CHST9: variants seen among roughly 807,000 people sequenced by gnomAD.
CHST9 encodes the protein GalNAc-4-sulfotransferase 2.
CHST9 carries 41 observed loss-of-function variants against 44.4 expected under a neutral mutation model. The ratio of observed to expected loss-of-function variants is 0.92; its 90% CI spans 0.72 to 1.20. CHST9 has a LOEUF of 1.20. Among genes scored for constraint, CHST9 ranks in the 50% most tolerant of loss-of-function variants. The pLI, the probability that CHST9 is intolerant of heterozygous loss-of-function variation, is 0.00. For synonymous variants in CHST9, 171 were observed against 178.4 expected, an observed-to-expected ratio of 0.96 and a Z score of 0.33; for missense variants, 504 against 516.5, an observed-to-expected ratio of 0.98 and a Z score of 0.23.
intron 4 of CHST9, among the ~76,000 whole-genome samples, chr18:27,010,083 T>G (rs951318991): frequency 6.6e-6 from 1 of 152,240 alleles, no homozygotes; most frequent in Non-Finnish European, 1.5e-5. Flanking sequence ...TACTAGGTTC[T>G]TTACTTAAAT....
chr18:27,078,363 G>C (rs1046380381), intron 2 of CHST9, among the ~76,000 whole-genome samples: 16 of 152,132 alleles, frequency 1.1e-4, no homozygotes, highest in African/African-American at 3.9e-4. Context: ...GAAATGTATA[G>C]TCAGTTCCTG....
At chr18:27,104,024 A>T (rs557952524) in intron 2 of CHST9, among the ~76,000 whole-genome samples, 1 of 152,338 alleles carries the variant, frequency 6.6e-6, no homozygotes, top group South Asian at 2.1e-4. Flanking sequence ...TTAAATGTGC[A>T]TTAAATATAT....
intron 2 of CHST9, among the ~76,000 whole-genome samples, chr18:27,141,221 C>T (rs566616507): frequency 6.6e-5 from 10 of 152,140 alleles, no homozygotes; most frequent in East Asian, 1.9e-4. Context: ...AGAAATTAGC[C>T]GGGCGTGGTG....
chr18:27,029,325 T>G (rs752925544), intron 3 of CHST9, among the ~76,000 whole-genome samples: 3 of 152,110 alleles, frequency 2.0e-5, no homozygotes, highest in Admixed American at 6.5e-5. Flanking sequence ...GCATACAAAT[T>G]TTGCTAATAG....
intron 2 of CHST9, among the ~76,000 whole-genome samples, chr18:27,082,903 C>T (rs569139754): frequency 1.3e-5 from 2 of 152,200 alleles, no homozygotes; most frequent in Admixed American, 1.3e-4. Context: ...AGGAGATTTT[C>T]ACAAATCTTT....
intron 1 of CHST9, among the ~76,000 whole-genome samples, chr18:27,144,460 C>A (rs1277208624): frequency 6.6e-6 from 1 of 152,158 alleles, no homozygotes; most frequent in East Asian, 1.9e-4. Context: ...TGGAGGACTG[C>A]TTGACCTCAA....
chr18:26,932,556 G>C lies in CHST9; in HGVS notation c.240+11773C>G, dbSNP rs148216842. Among the ~76,000 whole-genome samples the C allele has an allele frequency of 6.5e-3, 983 of 152,230 alleles. 14 individuals carry two copies. The highest frequency in any genetic ancestry group is 0.023 in the African/African-American group (945 of 41,552). ...GTGTTAGCTGGATCAGGGGTGAAGG[G>C]GGGCAAGCTGAAGTACCTTTCAACC... On this transcript the variant is annotated intron_variant, in intron 5 of 5. Transcript: ENST00000618847.
chr18:27,109,049 G>A (rs77692703), intron 2 of CHST9, among the ~76,000 whole-genome samples: 2,731 of 152,328 alleles, frequency 0.018, 73 homozygotes, highest in African/African-American at 0.06. Flanking sequence ...TCTCAAGGCA[G>A]TAAGGGATAA....
At chr18:27,078,454 A>G (rs1244647429) in intron 2 of CHST9, among the ~76,000 whole-genome samples, 3 of 152,104 alleles carry the variant, frequency 2.0e-5, no homozygotes, top group Admixed American at 1.3e-4. Context: ...TAGGGGAAGT[A>G]TATACATGTG....
In CHST9 at chr18:26,910,563, G is replaced by A. The variant is rs1189569370; in HGVS notation, c.*5696C>T. ...TGCCTCTGTCCAACTATTTTCAGGT[G>A]GGCATATAGAATGTAGGGTAACAAA... On this transcript the variant is annotated 3_prime_UTR_variant, in exon 6 of 6. Transcript: ENST00000618847. 1.3e-5 allele frequency: 2 copies of A among 152,148 alleles called. No homozygotes were observed. Among genetic ancestry groups the A allele is most frequent in the African/African-American group, 4.8e-5 (2 of 41,436 alleles). 9.4% of individuals were successfully genotyped at this position (152,148 alleles called of 1,614,324 possible). A position where few individuals can be genotyped will look rare whatever the true frequency, so the allele number is the denominator to read the frequency against.
At chr18:27,170,543 G>C (rs2058826591) in intron 1 of CHST9, among the ~76,000 whole-genome samples, 1 of 152,134 alleles carries the variant, frequency 6.6e-6, no homozygotes, top group South Asian at 2.1e-4. Context: ...CAGTGTGATA[G>C]TGAATACATG....
intron 2 of CHST9, among the ~76,000 whole-genome samples, 179 bp downstream of exon 2, chr18:27,142,510 G>A (rs892179598): frequency 6.6e-6 from 1 of 152,118 alleles, no homozygotes; most frequent in Non-Finnish European, 1.5e-5. Context: ...CCAAACAAAT[G>A]CCTACCAGAG....
chr18:27,000,664 C>A (rs922289480), intron 4 of CHST9, among the ~76,000 whole-genome samples: 6 of 152,000 alleles, frequency 3.9e-5, no homozygotes, highest in African/African-American at 1.4e-4. Context: ...ATCTCTCTAT[C>A]TATCTATTAT....
chr18:27,056,740 T>C (rs938335423), intron 2 of CHST9, among the ~76,000 whole-genome samples: 1 of 152,176 alleles, frequency 6.6e-6, no homozygotes, highest in Admixed American at 6.5e-5. Flanking sequence ...AATAATTCTT[T>C]ATATCCTTAA....
intron 5 of CHST9, among the ~76,000 whole-genome samples, chr18:26,939,049 G>A (rs953188733): frequency 3.5e-4 from 53 of 152,304 alleles, no homozygotes; most frequent in African/African-American, 1.3e-3. Flanking sequence ...AAGGCCCAAC[G>A]TTGGACATGG....
At chr18:26,976,414 G>C (rs1486382964) in intron 4 of CHST9, among the ~76,000 whole-genome samples, 3 of 152,100 alleles carry the variant, frequency 2.0e-5, no homozygotes, top group Non-Finnish European at 4.4e-5. Context: ...TTAGCCCCAG[G>C]CCACATAACT....
chr18:27,106,918 A>C (rs1171705836), intron 2 of CHST9, among the ~76,000 whole-genome samples: 1 of 152,194 alleles, frequency 6.6e-6, no homozygotes, highest in Non-Finnish European at 1.5e-5. Flanking sequence ...GGTTCCACTT[A>C]AATATCTCAC....
rs2056369213 is a variant in CHST9 at position 26,959,269 on chromosome 18, T to TTTAGCTAA, written c.203-14904_203-14903insTTAGCTAA. On this transcript the variant is annotated intron_variant, in intron 4 of 5. Coordinates refer to ENST00000618847, the MANE Select transcript of CHST9 (RefSeq NM_031422.6). The stretch of plus-strand genomic sequence containing the variant: ...TTATAAGTGGGAGCTAAACATTGGG[T>TTTAGCTAA]ACACATGAACATAAAGATGGAAACA... Among the ~76,000 whole-genome samples the TTTAGCTAA allele has an allele frequency of 2.0e-5, 3 of 152,152 alleles. No homozygotes were observed. The Middle Eastern group carries it at 0.01, about 518-fold the overall frequency.
At position 27,048,538 on chromosome 18, in the gene CHST9, G is replaced by GA. The variant is rs770060136; in HGVS notation, c.122-36dup. ...GAAGTGGAAGATAAGTTACAGCATG[G>GA]AGTCATGAGAATATGATGAAAATAA... On this transcript the variant is annotated intron_variant, in intron 2 of 5. Coordinates refer to ENST00000618847, the MANE Select transcript of CHST9 (RefSeq NM_031422.6). The GA allele has an allele frequency of 1.1e-5, 17 of 1,549,524 alleles. No individual in the cohort carries two copies. In the African/African-American group the frequency reaches 2.3e-4, roughly 21 times the overall value.
Sources: gnomAD v4.1 joint callset for allele counts (sites outside exome capture counted in the v4.1 genomes callset) on GRCh38, gnomAD v4.1.1 for gene constraint, MANE v1.5 for transcripts, NCBI Gene and HGNC (gene_info 2026-07-23, HGNC 2026-07-21) for gene names.